Variants in KIF26B observed in about 807,000 individuals in gnomAD.
KIF26B encodes the protein kinesin family member 26B.
A neutral mutation model predicts 151.2 loss-of-function variants in KIF26B; 63 were observed. That is an observed-to-expected ratio of 0.42 (90% CI 0.34 to 0.51). KIF26B has a LOEUF of 0.51. Among genes scored for constraint, KIF26B ranks in the 20% least tolerant of loss-of-function variants. The pLI, the probability that KIF26B is intolerant of heterozygous loss-of-function variation, is 0.07. For synonymous variants in KIF26B, 1,357 were observed against 1,262.1 expected (o/e 1.08, Z -1.59); for missense variants, 2,813 against 2,913.6 (o/e 0.97, Z 0.79).
At position 245,687,314 on chromosome 1, in the gene KIF26B, G is replaced by A. The variant is rs1326823496; in HGVS notation, c.4331G>A (p.Arg1444Gln). 25 of 1,603,624 alleles carry A rather than the reference G, an allele frequency of 1.6e-5. No homozygotes were observed. Among genetic ancestry groups the A allele is most frequent in the African/African-American group, 1.3e-4 (10 of 74,734 alleles). ...AAATTTGAGGACCCGTGGCTGAAAC[G>A]AGAAGAGGAAGTGAAAAAAGAGACG... ...EMKFEDPWLK[R>Q]EEEVKKETAH... Residue 1444 changes from arginine to glutamine, a missense_variant, in exon 12 of 15, where the codon CGA becomes CAA. Physicochemically the swap from Arg to Gln is conservative, Grantham distance 43 (BLOSUM62 1). Coordinates refer to ENST00000407071, the MANE Select transcript of KIF26B (RefSeq NM_018012.4). This position sits in a 1 kb window ranked among gnomAD's most constrained non-coding sequence, Gnocchi z 4.9.
In KIF26B at chr1:245,687,041, A is replaced by T; in HGVS notation, c.4058A>T (p.Lys1353Ile). The change falls in exon 12 of 15, where the codon AAA becomes ATA. Residue 1353 changes from lysine to isoleucine, a missense_variant. Lys to Ile is a moderately radical substitution (Grantham distance 102). Coordinates refer to ENST00000407071, the MANE Select transcript of KIF26B (RefSeq NM_018012.4). This position sits in a 1 kb window ranked among gnomAD's most constrained non-coding sequence, Gnocchi z 4.9. ...LSEMGDDSFNKAAPIKGCKIS... is the reference protein window; with the variant it reads ...LSEMGDDSFNIAAPIKGCKIS... The stretch of plus-strand genomic sequence containing the variant: ...GAGATGGGAGATGACTCTTTCAACA[A>T]AGCAGCCCCCATCAAAGGCTGCAAA... 1 of 1,613,406 alleles carries T rather than the reference A, an allele frequency of 6.2e-7. No individual in the cohort carries two copies. Among genetic ancestry groups the T allele is most frequent in the Non-Finnish European group, 8.5e-7 (1 of 1,179,810 alleles).
intron 2 of KIF26B, among the ~76,000 whole-genome samples, chr1:245,212,636 G>A (rs953976905): frequency 1.3e-5 from 2 of 152,082 alleles, no homozygotes; most frequent in African/African-American, 4.8e-5. Flanking sequence ...TTGCCTGCCG[G>A]CATGAGTTCA....
intron 2 of KIF26B, among the ~76,000 whole-genome samples, chr1:245,225,712 C>T (rs1278189693): frequency 6.6e-6 from 1 of 152,102 alleles, no homozygotes; most frequent in Non-Finnish European, 1.5e-5. Context: ...TTCCTCGGTC[C>T]GTAGGGATGG....
chr1:245,484,066 T>C (rs1225231732), intron 4 of KIF26B, among the ~76,000 whole-genome samples: 1 of 151,880 alleles, frequency 6.6e-6, no homozygotes, highest in Admixed American at 6.6e-5. Flanking sequence ...GACGCTTTGT[T>C]AGGCCTGGGC....
intron 9 of KIF26B, among the ~76,000 whole-genome samples, chr1:245,634,579 C>A (rs1323406256): frequency 6.6e-6 from 1 of 152,180 alleles, no homozygotes; most frequent in Admixed American, 6.5e-5. Flanking sequence ...TCTACTGAAA[C>A]AATCATATAG....
chr1:245,453,787 A>G (rs994833387), intron 4 of KIF26B, among the ~76,000 whole-genome samples: 3 of 152,234 alleles, frequency 2.0e-5, no homozygotes, highest in Non-Finnish European at 1.5e-5. Context: ...ATCAGGGCCC[A>G]AGGACTCTGG....
intron 2 of KIF26B, among the ~76,000 whole-genome samples, chr1:245,222,966 G>C (rs907611560): frequency 6.6e-6 from 1 of 152,140 alleles, no homozygotes; most frequent in African/African-American, 2.4e-5. Context: ...TTCACACTTT[G>C]TTATGTTTGC....
At chr1:245,571,627 T>C (rs910852274) in intron 5 of KIF26B, among the ~76,000 whole-genome samples, 1 of 152,224 alleles carries the variant, frequency 6.6e-6, no homozygotes, top group Admixed American at 6.5e-5. Flanking sequence ...TTCCTCACGA[T>C]TTTAGAAAAC....
intron 2 of KIF26B, among the ~76,000 whole-genome samples, chr1:245,243,354 T>C (rs559582716): frequency 1.8e-4 from 28 of 152,194 alleles, no homozygotes; most frequent in African/African-American, 6.7e-4. Context: ...GACCTAAATG[T>C]TCACATCCTT....
chr1:245,625,875 C>T (rs2043719139), intron 9 of KIF26B, among the ~76,000 whole-genome samples: 1 of 151,738 alleles, frequency 6.6e-6, no homozygotes, highest in Non-Finnish European at 1.5e-5. Flanking sequence ...ACTTTTTAAG[C>T]TCCCACATAT....
At position 245,232,849 on chromosome 1, in the gene KIF26B, G is replaced by A. The variant is rs777686948; in HGVS notation, c.465+76166G>A. ...AGAGGCATGAGCCATCGCACCCGGCGGTTTCCTTCCTTTCCTCCAAAGTCA... is the reference window on the plus strand; with the variant it reads ...AGAGGCATGAGCCATCGCACCCGGCAGTTTCCTTCCTTTCCTCCAAAGTCA... On this transcript the variant is annotated intron_variant, in intron 2 of 14. Coordinates refer to ENST00000407071, the MANE Select transcript of KIF26B (RefSeq NM_018012.4). Among the ~76,000 whole-genome samples, 5 of 152,052 alleles carry A rather than the reference G, an allele frequency of 3.3e-5. No homozygotes were observed. The East Asian group carries it at 7.7e-4, about 23-fold the overall frequency.
intron 2 of KIF26B, among the ~76,000 whole-genome samples, chr1:245,260,904 T>C (rs542324604): frequency 3.9e-5 from 6 of 152,358 alleles, no homozygotes; most frequent in African/African-American, 1.4e-4. Flanking sequence ...ACTCTGGACA[T>C]AGCTCTCTGT....
At chr1:245,405,482 G>T (rs1433923920) in intron 3 of KIF26B, among the ~76,000 whole-genome samples, 1 of 152,126 alleles carries the variant, frequency 6.6e-6, no homozygotes, top group Non-Finnish European at 1.5e-5. Flanking sequence ...ATGCAGAGAG[G>T]TTAATTGACT....
At chr1:245,382,215 C>A (rs1297087252) in intron 3 of KIF26B, among the ~76,000 whole-genome samples, 4 of 152,266 alleles carry the variant, frequency 2.6e-5, no homozygotes, top group Admixed American at 2.0e-4. Flanking sequence ...TTTCTCCATA[C>A]CCTCCCCAGT....
At chr1:245,496,297 A>G (rs1253625721) in intron 4 of KIF26B, among the ~76,000 whole-genome samples, 1 of 152,230 alleles carries the variant, frequency 6.6e-6, no homozygotes, top group Non-Finnish European at 1.5e-5. Flanking sequence ...GGGCCATTCT[A>G]TTTTTGTAAA....
chr1:245,416,298 AAG>A (rs1176898516), intron 3 of KIF26B, among the ~76,000 whole-genome samples: 1 of 151,666 alleles, frequency 6.6e-6, no homozygotes, highest in Non-Finnish European at 1.5e-5. Context: ...AAAAAAAAAA[AAG>A]AATCAAACAA....
Position 245,606,101 on chromosome 1 carries a change from C to T in KIF26B, c.1558-1550C>T, listed in dbSNP as rs1004036290. Among the ~76,000 whole-genome samples the T allele has an allele frequency of 6.6e-6, 1 of 152,140 alleles. No homozygotes were observed. The highest frequency in any genetic ancestry group is 2.4e-5 in the African/African-American group (1 of 41,450). The stretch of plus-strand genomic sequence containing the variant: ...CTTCTGTCTCAGGGTTAGCACTGGG[C>T]TCTCCTTGCCTAAGTCCTGGGGGGT... On this transcript the variant is annotated intron_variant, in intron 6 of 14. Transcript: ENST00000407071. The surrounding 1 kb of genome is among the most constrained non-coding windows in gnomAD (Gnocchi z 4.6).
intron 3 of KIF26B, among the ~76,000 whole-genome samples, chr1:245,395,584 A>G (rs993499802): frequency 6.6e-6 from 1 of 152,160 alleles, no homozygotes; most frequent in Non-Finnish European, 1.5e-5. Context: ...AGCGTGTGCC[A>G]GGGTGGGAGG....
At chr1:245,700,448 T>C (rs1232557033) in intron 14 of KIF26B, among the ~76,000 whole-genome samples, 1 of 152,114 alleles carries the variant, frequency 6.6e-6, no homozygotes, top group Non-Finnish European at 1.5e-5. Context: ...TCCCAGCACC[T>C]TGGGAGGCCA....
Sources: allele counts gnomAD v4.1 joint callset (sites outside exome capture counted in the v4.1 genomes callset), GRCh38; gene constraint gnomAD v4.1.1; non-coding constraint Gnocchi (gnomAD v3.1); transcripts MANE v1.5; gene names NCBI Gene and HGNC (gene_info 2026-07-23, HGNC 2026-07-21).